Variants in APOLD1 observed in about 807,000 individuals in gnomAD.
APOLD1 encodes apolipoprotein L domain containing 1, also known as apolipoprotein L domain-containing protein 1.
Under a neutral mutation model 15.3 loss-of-function variants are expected in APOLD1, and 22 were observed. The observed-to-expected ratio is 1.44, with a 90% CI of 1.03 to 2.05. APOLD1 has a LOEUF of 2.05. Among genes scored for constraint, APOLD1 ranks in the 30% most tolerant of loss-of-function variants. APOLD1 has a pLI of 0.00. For synonymous variants in APOLD1, 190 were observed against 167.4 expected, an observed-to-expected ratio of 1.13 and a Z score of -1.04; for missense variants, 394 against 353.5, an observed-to-expected ratio of 1.11 and a Z score of -0.92.
chr12:12,747,253 T>C (rs1565429026), intron 1 of APOLD1, among the ~76,000 whole-genome samples: 1 of 152,174 alleles, frequency 6.6e-6, no homozygotes, highest in Non-Finnish European at 1.5e-5. Context: ...CTGGGATTAC[T>C]GTGTGAACTA....
intron 1 of APOLD1, among the ~76,000 whole-genome samples, chr12:12,777,923 T>TTTTTTTTTTTTTTTTTTTTTTGTTG (rs1555092183): frequency 1.6e-5 from 2 of 121,572 alleles, no homozygotes. Context: ...TTTTTTTTTT[T>TTTTTTTTTTTTTTTTTTTTTTGTTG]TTGTTGTTGT....
chr12:12,736,907 C>A (rs1355076194), intron 1 of APOLD1, among the ~76,000 whole-genome samples: 1 of 152,218 alleles, frequency 6.6e-6, no homozygotes, highest in Non-Finnish European at 1.5e-5. Flanking sequence ...ACCTCGCCAG[C>A]CTCCTGCTCC....
chr12:12,786,059 ACTTGTT>A (rs1353569576), intron 1 of APOLD1, among the ~76,000 whole-genome samples: 4 of 152,236 alleles, frequency 2.6e-5, no homozygotes, highest in African/African-American at 9.6e-5. Flanking sequence ...AAGATGTACA[ACTTGTT>A]CGTATCTTTG....
At chr12:12,777,889 G>GTTTTTTTTTTTTTTTTTTTTTTTTTTT (rs71436735) in intron 1 of APOLD1, among the ~76,000 whole-genome samples, 3 of 117,140 alleles carry the variant, frequency 2.6e-5, no homozygotes, top group Non-Finnish European at 5.1e-5. Flanking sequence ...AAGGAAAGGT[G>GTTTTTTTTTTTTTTTTTTTTTTTTTTT]TTTTTTTTTT....
At chr12:12,777,194 A>T (rs993322507) in intron 1 of APOLD1, among the ~76,000 whole-genome samples, 1 of 152,178 alleles carries the variant, frequency 6.6e-6, no homozygotes, top group Admixed American at 6.5e-5. Context: ...ACCATCTCCC[A>T]CTTGAAAGCT....
chr12:12,767,410 C>G (rs368771889), intron 1 of APOLD1, among the ~76,000 whole-genome samples: 7 of 151,596 alleles, frequency 4.6e-5, no homozygotes, highest in African/African-American at 1.7e-4. Context: ...ACCTGTAATC[C>G]CAGCACTTTG....
chr12:12,776,995 T>C (rs183341642), intron 1 of APOLD1, among the ~76,000 whole-genome samples: 4 of 152,338 alleles, frequency 2.6e-5, no homozygotes, highest in Admixed American at 6.5e-5. Flanking sequence ...TAGCACCCGC[T>C]ATGCACTGTA....
chr12:12,758,132 T>A (rs1456880956), intron 1 of APOLD1, among the ~76,000 whole-genome samples: 34 of 146,850 alleles, frequency 2.3e-4, no homozygotes, highest in East Asian at 4.1e-4. Flanking sequence ...GAGACGGGGT[T>A]TCACTGTGTT....
At chr12:12,774,376 C>G (rs1055956797) in intron 1 of APOLD1, among the ~76,000 whole-genome samples, 2 of 151,444 alleles carry the variant, frequency 1.3e-5, no homozygotes, top group Non-Finnish European at 2.9e-5. Flanking sequence ...GAAACCCCGT[C>G]TCTACCAAAA....
intron 1 of APOLD1, among the ~76,000 whole-genome samples, chr12:12,728,678 AAAAAAAAAAAAAAG>A: frequency 6.7e-6 from 1 of 149,844 alleles, no homozygotes; most frequent in Non-Finnish European, 1.5e-5. Context: ...AAAAAAAAAA[AAAAAAAAAAAAAAG>A]AGAGAGAAAG....
chr12:12,787,358 G>A lies in APOLD1; in HGVS notation c.453G>A (p.Gln151=). The A allele has an allele frequency of 6.2e-7, 1 of 1,614,084 alleles. No individual in the cohort carries two copies. Among genetic ancestry groups the A allele is most frequent in the Non-Finnish European group, 8.5e-7 (1 of 1,180,026 alleles). The change falls in exon 2 of 2, where the codon CAG becomes CAA. Residue 151 remains glutamine (Q), a synonymous_variant. Transcript: ENST00000356591. The surrounding 1 kb of genome is among the most constrained non-coding windows in gnomAD (Gnocchi z 4.9). ...GCTGGCAGGGCTGCGGGGACCGCCA[G>A]CTGCTGCAGTGCGGGAGGAACGCCT... ...FCRWQGCGDR[Q]LLQCGRNASI... is the part of the protein sequence containing the mutation.
intron 1 of APOLD1, among the ~76,000 whole-genome samples, chr12:12,749,131 T>C (rs1946787947): frequency 6.6e-6 from 1 of 152,052 alleles, no homozygotes; most frequent in African/African-American, 2.4e-5. Flanking sequence ...GCAACAGTCT[T>C]TGGGCACCCA....
chr12:12,736,504 G>T (rs1325405287), intron 1 of APOLD1, among the ~76,000 whole-genome samples: 2 of 152,194 alleles, frequency 1.3e-5, no homozygotes, highest in Admixed American at 6.5e-5. Flanking sequence ...TCCAGCCTGG[G>T]TGACAGACTG....
At chr12:12,731,598 G>A (rs1364182180) in intron 1 of APOLD1, among the ~76,000 whole-genome samples, 1 of 152,104 alleles carries the variant, frequency 6.6e-6, no homozygotes, top group Non-Finnish European at 1.5e-5. Context: ...ACACAAACCA[G>A]TAGAAAAATA....
chr12:12,783,525 C>G (rs892822213), upstream of APOLD1, among the ~76,000 whole-genome samples: 1 of 151,758 alleles, frequency 6.6e-6, no homozygotes, highest in African/African-American at 2.4e-5. Context: ...GTTGGTCAGG[C>G]TGGTCTCGAA....
Position 12,786,973 on chromosome 12 carries a change from T to TGCTGCTGGACC in APOLD1, c.71_81dup (p.Arg28CysfsTer31). On this transcript the variant is annotated frameshift_variant, in exon 2 of 2. Transcript: ENST00000356591. LOFTEE classifies it high-confidence loss of function. ...GACGCGCTGCGGCGCTTCCAGGGACTGCTGCTGGACCGCCGAGGCCGGCTG... is the reference window on the plus strand; with the variant it reads ...GACGCGCTGCGGCGCTTCCAGGGACTGCTGCTGGACCGCTGCTGGACCGCCGAGGCCGGCTG... The TGCTGCTGGACC allele has an allele frequency of 6.9e-7, 1 of 1,457,118 alleles. No individual in the cohort carries two copies. Among genetic ancestry groups the TGCTGCTGGACC allele is most frequent in the Non-Finnish European group, 9.0e-7 (1 of 1,114,482 alleles). The allele number at this position is 1,457,118 out of a possible 1,614,324, so 90.3% of individuals were successfully genotyped here.
intron 1 of APOLD1, among the ~76,000 whole-genome samples, chr12:12,731,426 AT>A (rs1172218973): frequency 2.0e-5 from 3 of 152,218 alleles, no homozygotes; most frequent in African/African-American, 7.2e-5. Flanking sequence ...ACTTCCAATG[AT>A]TTCTGAAAGG....
chr12:12,729,677 T>C (rs1946621291), intron 1 of APOLD1, among the ~76,000 whole-genome samples: 1 of 152,028 alleles, frequency 6.6e-6, no homozygotes, highest in Non-Finnish European at 1.5e-5. Context: ...AGGGGATTGC[T>C]CTATCCCAGG....
At chr12:12,770,052 A>G (rs1332517689) in intron 1 of APOLD1, among the ~76,000 whole-genome samples, 1 of 152,226 alleles carries the variant, frequency 6.6e-6, no homozygotes, top group Non-Finnish European at 1.5e-5. Context: ...GATAAAGTAG[A>G]CAGCATGCAA....
Sources: gnomAD v4.1 joint callset for allele counts (sites outside exome capture counted in the v4.1 genomes callset) on GRCh38, gnomAD v4.1.1 for gene constraint, Gnocchi (gnomAD v3.1) non-coding constraint, MANE v1.5 for transcripts, NCBI Gene and HGNC (gene_info 2026-07-23, HGNC 2026-07-21) for gene names.